RABL6: variants seen among roughly 807,000 people sequenced by gnomAD.
RABL6 encodes rab-like protein 6.
A neutral mutation model predicts 72.9 loss-of-function variants in RABL6; 28 were observed. That is an observed-to-expected ratio of 0.38 (90% CI 0.28 to 0.53). The LOEUF (loss-of-function observed/expected upper bound fraction) is 0.53. RABL6 is among the 20% of genes least tolerant of loss of function. RABL6 has a pLI of 0.80. For missense variants in RABL6, 1,029 were observed against 1,008.4 expected (o/e 1.02, Z -0.28); for synonymous variants, 477 against 421.2 (o/e 1.13, Z -1.62).
chr9:136,815,439 G>T, intron 1 of RABL6: 1 of 288,008 alleles, frequency 3.5e-6, no homozygotes, highest in Admixed American at 4.7e-5. Flanking sequence ...TTCATCTTCT[G>T]ACATTTCCTC....
Position 136,835,785 on chromosome 9 carries a change from T to C in RABL6, c.749T>C (p.Met250Thr). The C allele has an allele frequency of 2.6e-6, 4 of 1,553,250 alleles. No individual in the cohort carries two copies. Among genetic ancestry groups the C allele is most frequent in the East Asian group, 2.4e-5 (1 of 41,172 alleles). ...LRQLETNQLDMDATLEELSVQ... is the reference protein window; with the variant it reads ...LRQLETNQLDTDATLEELSVQ... ...CAGCTGGAGACGAACCAGCTGGACA[T>C]GGACGCCACGCTGGAGGAGCTGTCG... The change falls in exon 8 of 15, where the codon ATG (methionine) becomes ACG (threonine). Residue 250 changes from methionine (M) to threonine (T), a missense_variant. Physicochemically the swap from Met to Thr is moderately conservative, Grantham distance 81. This residue lies in a region of RABL6 where 434 missense variants were observed against 536.1 expected (regional missense o/e 0.81). Transcript: ENST00000311502.
chr9:136,823,387 C>T, intron 1 of RABL6, 138 bp from the exon 2 acceptor site: 3 of 1,207,338 alleles, frequency 2.5e-6, no homozygotes, highest in Non-Finnish European at 3.4e-6. Flanking sequence ...CCCCTGCCTG[C>T]CGGTCACCTG....
chr9:136,818,403 AAC>A (rs1848169725), intron 1 of RABL6, among the ~76,000 whole-genome samples: 1 of 30,788 alleles, frequency 3.2e-5, no homozygotes, highest in African/African-American at 1.6e-4. Flanking sequence ...AAAAAAAAAA[AAC>A]CAAAGGTAAG....
chr9:136,838,398 C>T (rs1483101587), intron 10 of RABL6, among the ~76,000 whole-genome samples: 1 of 152,198 alleles, frequency 6.6e-6, no homozygotes, highest in Admixed American at 6.5e-5. Context: ...TCCTGCAGGT[C>T]CTAGAGCTGG....
intron 4 of RABL6, among the ~76,000 whole-genome samples, chr9:136,828,956 G>T (rs7866538): frequency 5.9e-5 from 9 of 152,306 alleles, no homozygotes; most frequent in African/African-American, 1.9e-4. Flanking sequence ...CGCACTCTCC[G>T]TGCGGTGCCT....
rs185302080 is a variant in RABL6, at chr9:136,840,954, G to A, written c.*432G>A. On this transcript the variant is annotated 3_prime_UTR_variant, in exon 15 of 15. Transcript: ENST00000311502. ...GCAGCATGCCTATGGTTCCGCTTCC[G>A]GCCGGGAGCCCTGAACACGGGTGTG... The A allele has an allele frequency of 5.2e-5, 76 of 1,458,960 alleles. No homozygotes were observed. The highest frequency in any genetic ancestry group is 1.5e-4 in the East Asian group (6 of 39,988). The allele number at this position is 1,458,960 out of a possible 1,614,324, so 90.4% of individuals were successfully genotyped here.
intron 1 of RABL6, chr9:136,814,879 C>G (rs542745043): frequency 6.4e-6 from 1 of 155,378 alleles, no homozygotes; most frequent in African/African-American, 2.4e-5. Flanking sequence ...CCTTCCTCCT[C>G]TTTGTCGTCT....
chr9:136,807,987 G>A lies in RABL6; in HGVS notation c.-210G>A. 4 of 1,009,742 alleles carry A rather than the reference G, an allele frequency of 4.0e-6. No homozygotes were observed. Among genetic ancestry groups the A allele is most frequent in the Non-Finnish European group, 4.7e-6 (4 of 847,578 alleles). The allele number at this position is 1,009,742 out of a possible 1,614,324, so 62.5% of individuals were successfully genotyped here. A position where few individuals can be genotyped will look rare whatever the true frequency, so the allele number is the denominator to read the frequency against. ...ACTCCTGGAGAGCGGTCGCGCCGGAGGCCGCGGGGGCCGGAGCGGAGCAGC... is the reference window on the plus strand; with the variant it reads ...ACTCCTGGAGAGCGGTCGCGCCGGAAGCCGCGGGGGCCGGAGCGGAGCAGC... On this transcript the variant is annotated 5_prime_UTR_variant, in exon 1 of 15. Transcript: ENST00000311502.
intron 1 of RABL6, among the ~76,000 whole-genome samples, chr9:136,820,834 A>G (rs1248845526): frequency 1.3e-5 from 2 of 152,254 alleles, no homozygotes; most frequent in Admixed American, 1.3e-4. Flanking sequence ...AAAAGAGAAA[A>G]ATATCAATGG....
chr9:136,823,486 C>A, intron 1 of RABL6, 39 bp from the exon 2 acceptor site: 1 of 1,610,402 alleles, frequency 6.2e-7, no homozygotes, highest in South Asian at 1.1e-5. Flanking sequence ...GGGTTCGGTT[C>A]GTTTAATTTG....
chr9:136,831,671 CAG>C, intron 5 of RABL6, 48 bp from the exon 6 acceptor site: 1 of 1,604,976 alleles, frequency 6.2e-7, no homozygotes, highest in East Asian at 2.2e-5. Flanking sequence ...CAGGGAGGGA[CAG>C]GGCGTCGCAG....
At chr9:136,810,615 C>T (rs1385906691) in intron 1 of RABL6, among the ~76,000 whole-genome samples, 1 of 152,120 alleles carries the variant, frequency 6.6e-6, no homozygotes, top group East Asian at 1.9e-4. Context: ...GATCTCAGCT[C>T]ACTGCAAGCT....
Position 136,808,241 on chromosome 9 carries a change from G to C in RABL6, c.45G>C (p.Pro15=), listed in dbSNP as rs1456027196. 1.9e-6 allele frequency: 3 copies of C among 1,564,714 alleles called. No homozygotes were observed. The highest frequency in any genetic ancestry group is 1.8e-5 in the Admixed American group (1 of 54,814). The change falls in exon 1 of 15, where the codon CCG becomes CCC. Residue 15 remains proline (P), a synonymous_variant. Transcript: ENST00000311502. ...AGCTGGTGGGGTCGGACCAGGCCCCGGGCCGGGACAAGAACATCCCCGCCG... is the reference window on the plus strand; with the variant it reads ...AGCTGGTGGGGTCGGACCAGGCCCCCGGCCGGGACAAGAACATCCCCGCCG... ...LKKLVGSDQA[P]GRDKNIPAGL...
intron 1 of RABL6, among the ~76,000 whole-genome samples, chr9:136,823,253 A>G (rs371688068): frequency 1.5e-4 from 21 of 143,384 alleles, no homozygotes; most frequent in South Asian, 9.4e-4. Flanking sequence ...CTCCAAGTAG[A>G]AAGCCTGACC....
In RABL6 at chr9:136,840,357, C is replaced by G. The variant is rs751971387; in HGVS notation, c.2025C>G (p.His675Gln). The G allele has an allele frequency of 4.5e-6, 7 of 1,559,434 alleles. No individual in the cohort carries two copies. In the African/African-American group the frequency reaches 6.8e-5, roughly 15 times the overall value. ...AAGCTGCCAAGAAGAAGAGCAAACA[C>G]AAGAAGAGCAAGGACAAGGAGGAGG... is the stretch of plus-strand genomic sequence containing the variant. ...EEKAAKKKSK[H>Q]KKSKDKEEGK... The change falls in exon 15 of 15, where the codon CAC (histidine) becomes CAG (glutamine). Residue 675 changes from histidine to glutamine, a missense_variant. This residue lies in a region of RABL6 where 595 missense variants were observed against 472.4 expected (regional missense o/e 1.26). Coordinates refer to ENST00000311502, the MANE Select transcript of RABL6 (RefSeq NM_024718.5).
chr9:136,841,080 A>C lies in RABL6; in HGVS notation c.*558A>C. The C allele has an allele frequency of 7.1e-7, 1 of 1,401,632 alleles. No homozygotes were observed. The allele number at this position is 1,401,632 out of a possible 1,614,324, so 86.8% of individuals were successfully genotyped here. A position where few individuals can be genotyped will look rare whatever the true frequency, so the allele number is the denominator to read the frequency against. ...CCTGGGAGTGGGGGTTGTGTTTCCC[A>C]CAGTGGCCTCAGCTGCGCCCCCGCT... is the stretch of plus-strand genomic sequence containing the variant. On this transcript the variant is annotated 3_prime_UTR_variant, in exon 15 of 15. Coordinates refer to ENST00000311502, the MANE Select transcript of RABL6 (RefSeq NM_024718.5).
At chr9:136,810,764 A>C (rs1204257906) in intron 1 of RABL6, among the ~76,000 whole-genome samples, 1 of 152,142 alleles carries the variant, frequency 6.6e-6, no homozygotes, top group Non-Finnish European at 1.5e-5. Context: ...GATGGTCTCA[A>C]TCTCCTGACC....
At chr9:136,823,746 G>T in intron 2 of RABL6, 87 bp downstream of exon 2, 2 of 1,446,234 alleles carry the variant, frequency 1.4e-6, no homozygotes, top group Non-Finnish European at 1.8e-6. Context: ...TCCCCAGAGG[G>T]GGTCTCCCCG....
At chr9:136,822,877 A>G (rs1588356010) in intron 1 of RABL6, among the ~76,000 whole-genome samples, 2 of 152,164 alleles carry the variant, frequency 1.3e-5, no homozygotes, top group East Asian at 3.9e-4. Flanking sequence ...TCACGAGGTC[A>G]GGAGATCGAG....
Sources: gnomAD v4.1 joint callset for allele counts (sites outside exome capture counted in the v4.1 genomes callset) on GRCh38, gnomAD v4.1.1 for gene constraint, gnomAD v4.1.1 regional missense constraint, MANE v1.5 for transcripts, NCBI Gene and HGNC (gene_info 2026-07-23, HGNC 2026-07-21) for gene names.